RGS6: variants seen among roughly 807,000 people sequenced by gnomAD.
The protein encoded by RGS6 is regulator of G protein signaling 6.
A neutral mutation model predicts 78.5 loss-of-function variants in RGS6; 30 were observed. The observed-to-expected ratio is 0.38, with a 90% CI of 0.29 to 0.52. RGS6 has a LOEUF of 0.52. Ranked by LOEUF, RGS6 falls within the 20% of genes least tolerant of loss-of-function variation. RGS6 has a pLI of 0.85. For synonymous variants in RGS6, 206 were observed against 206.0 expected (o/e 1.00, Z 0.00); for missense variants, 495 against 609.7 (o/e 0.81, Z 1.98).
chr14:72,465,679 T>A, intron 6 of RGS6, 79 bp from the exon 7 acceptor site: 5 of 1,010,406 alleles, frequency 4.9e-6, no homozygotes, highest in Non-Finnish European at 7.8e-6. Flanking sequence ...GGTGAATGGA[T>A]GGACAGATGG....
rs1015974408 is a variant in RGS6 at position 72,563,223 on chromosome 14, G to C, written c.*756G>C. ...AGATGACAGAGCTTTTTGTTTCACA[G>C]CTGCGGGGATTCTGCTGACCATCTT... On this transcript the variant is annotated 3_prime_UTR_variant, in exon 18 of 18. Coordinates refer to ENST00000553525, the MANE Select transcript of RGS6 (RefSeq NM_001204424.2). The C allele has an allele frequency of 1.8e-5, 3 of 166,530 alleles. No individual in the cohort carries two copies. Among genetic ancestry groups the C allele is most frequent in the Admixed American group, 5.8e-5 (1 of 17,170 alleles). The allele number at this position is 166,530 out of a possible 1,614,324, so 10.3% of individuals were successfully genotyped here.
intron 2 of RGS6, among the ~76,000 whole-genome samples, chr14:71,986,245 C>T (rs1269901998): frequency 6.6e-6 from 1 of 152,286 alleles, no homozygotes; most frequent in African/African-American, 2.4e-5. Context: ...TTTAGGGACC[C>T]TGCATGAAAG....
chr14:72,339,914 G>A (rs1490914472), intron 2 of RGS6, among the ~76,000 whole-genome samples: 1 of 152,152 alleles, frequency 6.6e-6, no homozygotes, highest in Non-Finnish European at 1.5e-5. Context: ...GATCAGGCAG[G>A]AATTTCCTGA....
intron 3 of RGS6, among the ~76,000 whole-genome samples, chr14:72,410,962 G>C (rs1353436062): frequency 1.3e-5 from 2 of 152,158 alleles, no homozygotes; most frequent in Admixed American, 6.5e-5. Flanking sequence ...TGCTGTTTTG[G>C]TTACTGTAGC....
intron 2 of RGS6, among the ~76,000 whole-genome samples, chr14:72,347,597 T>A (rs2078299470): frequency 6.6e-6 from 1 of 152,340 alleles, no homozygotes; most frequent in East Asian, 1.9e-4. Context: ...ATCTACCTCC[T>A]GTGAGAATTC....
chr14:71,896,180 A>C, the RGS6 span, among the ~76,000 whole-genome samples: 134 of 152,328 alleles, frequency 8.8e-4, no homozygotes, highest in Non-Finnish European at 1.2e-3. Context: ...TCAAGCAAGA[A>C]ATAATTCAGG....
At chr14:72,261,782 A>C (rs1249099613) in intron 2 of RGS6, among the ~76,000 whole-genome samples, 1 of 152,196 alleles carries the variant, frequency 6.6e-6, no homozygotes, top group Non-Finnish European at 1.5e-5. Flanking sequence ...TCTTGTAGCC[A>C]AAAGTCAAAA....
chr14:71,914,414 ACTTTTCTTAT>A, the RGS6 span, among the ~76,000 whole-genome samples: 49 of 152,158 alleles, frequency 3.2e-4, no homozygotes, highest in Non-Finnish European at 1.0e-4. Context: ...TCCAAGTTTC[ACTTTTCTTAT>A]CTTTCCTTTT....
intron 3 of RGS6, among the ~76,000 whole-genome samples, chr14:72,433,225 A>G (rs540167869): frequency 2.6e-5 from 4 of 152,298 alleles, no homozygotes; most frequent in Admixed American, 2.6e-4. Flanking sequence ...GGTTGAAACT[A>G]GAAATAACTT....
At chr14:71,911,082 T>A in the RGS6 span, among the ~76,000 whole-genome samples, 1 of 152,240 alleles carries the variant, frequency 6.6e-6, no homozygotes, top group East Asian at 1.9e-4. Flanking sequence ...TAAATATTTA[T>A]GTTTACAGGG....
the RGS6 span, among the ~76,000 whole-genome samples, chr14:71,879,076 C>A: frequency 6.6e-6 from 1 of 151,904 alleles, no homozygotes; most frequent in Non-Finnish European, 1.5e-5. Context: ...CTCAACCATG[C>A]AATATGCTGA....
rs371846692 is a variant in RGS6 at position 72,394,220 on chromosome 14, A to G, written c.184+42026A>G. Among the ~76,000 whole-genome samples the G allele has an allele frequency of 2.6e-5, 4 of 152,136 alleles. No individual in the cohort carries two copies. The East Asian group carries it at 7.7e-4, about 29-fold the overall frequency. On this transcript the variant is annotated intron_variant, in intron 3 of 17. Transcript: ENST00000553525. ...TTAAAGCTGGGTGTCCGGGGGAGAC[A>G]TCACATGTCGGCAGGTTCTGTGATG...
At chr14:71,941,838 C>T (rs904746026) in intron 1 of RGS6, among the ~76,000 whole-genome samples, 6 of 152,214 alleles carry the variant, frequency 3.9e-5, no homozygotes, top group Non-Finnish European at 7.3e-5. Flanking sequence ...CTCCGTATCC[C>T]TCAGTGCAAT....
chr14:72,513,365 G>A (rs937516569), intron 14 of RGS6, among the ~76,000 whole-genome samples: 1 of 152,118 alleles, frequency 6.6e-6, no homozygotes, highest in Non-Finnish European at 1.5e-5. Context: ...TGTCTTCTGG[G>A]TGGGTCTGTG....
At chr14:72,151,258 C>T (rs749503321) in intron 2 of RGS6, among the ~76,000 whole-genome samples, 5 of 152,038 alleles carry the variant, frequency 3.3e-5, no homozygotes, top group Admixed American at 6.6e-5. Context: ...AGCCTTCCTA[C>T]GACAATAGGG....
intron 3 of RGS6, 110 bp downstream of exon 3, chr14:72,352,304 C>CTTTTTTCTTG: frequency 1.4e-6 from 1 of 706,498 alleles, no homozygotes; most frequent in Non-Finnish European, 2.4e-6. Flanking sequence ...AAAAATGAAA[C>CTTTTTTCTTG]ATTCAGTGTG....
At chr14:72,615,211 A>C in the RGS6 span, among the ~76,000 whole-genome samples, 1 of 152,092 alleles carries the variant, frequency 6.6e-6, no homozygotes, top group Admixed American at 6.5e-5. Flanking sequence ...TGTGGTCCTC[A>C]GGGCCCGCCC....
chr14:72,036,250 G>A (rs1298797941), intron 2 of RGS6, among the ~76,000 whole-genome samples: 2 of 148,084 alleles, frequency 1.4e-5, no homozygotes, highest in Admixed American at 1.3e-4. Flanking sequence ...GAATTCCACT[G>A]TGTGAACATA....
chr14:71,893,458 TGACTCTA>T, the RGS6 span, among the ~76,000 whole-genome samples: 1,329 of 152,334 alleles, frequency 8.7e-3, 13 homozygotes, highest in Non-Finnish European at 0.013. Context: ...AGCTGAATCC[TGACTCTA>T]GAATATTACC....
Sources: allele counts gnomAD v4.1 joint callset (sites outside exome capture counted in the v4.1 genomes callset), GRCh38; gene constraint gnomAD v4.1.1; transcripts MANE v1.5; gene names NCBI Gene and HGNC (gene_info 2026-07-23, HGNC 2026-07-21).